SPDYE3: variants seen among roughly 807,000 people sequenced by gnomAD.
SPDYE3 encodes speedy/RINGO cell cycle regulator family member E3, also known as speedy protein E3.
A neutral mutation model predicts 55.0 loss-of-function variants in SPDYE3; 15 were observed. That is an observed-to-expected ratio of 0.27 (90% CI 0.18 to 0.42). The LOEUF (loss-of-function observed/expected upper bound fraction) is 0.42, where lower values mean the gene tolerates loss of function less well. Among genes scored for constraint, SPDYE3 ranks in the 10% least tolerant of loss-of-function variants. SPDYE3 has a pLI of 1.00. For missense variants in SPDYE3, 236 were observed against 576.7 expected (o/e 0.41, Z 6.05); for synonymous variants, 89 against 229.9 (o/e 0.39, Z 5.55).
At chr7:100,308,356 G>A (rs113037444) in intron 1 of SPDYE3, among the ~76,000 whole-genome samples, 4 of 147,464 alleles carry the variant, frequency 2.7e-5, no homozygotes, top group South Asian at 2.2e-4. Context: ...AAAAGAAGAA[G>A]AAAAAAAAGA....
At chr7:100,317,193 C>A in intron 8 of SPDYE3, 38 bp downstream of exon 8, 1 of 1,609,904 alleles carries the variant, frequency 6.2e-7, no homozygotes, top group Non-Finnish European at 8.5e-7. Context: ...CAATATCCAA[C>A]GCCCTGGGAC....
In SPDYE3 at chr7:100,314,508, C is replaced by T. The variant is rs755921662; in HGVS notation, c.983-24C>T. 52 of 1,327,802 alleles carry T rather than the reference C, an allele frequency of 3.9e-5. 14 individuals carry two copies. The South Asian group carries it at 4.3e-4, about 11-fold the overall frequency. The allele number at this position is 1,327,802 out of a possible 1,614,324, so 82.3% of individuals were successfully genotyped here. ...CGTGATCAGTTGCAGAAGCATTACACGGTGGCCTGGTTTCTTTACTCAGCC... is the reference window on the plus strand; with the variant it reads ...CGTGATCAGTTGCAGAAGCATTACATGGTGGCCTGGTTTCTTTACTCAGCC... On this transcript the variant is annotated intron_variant, in intron 5 of 10. Transcript: ENST00000332397.
chr7:100,312,831 G>A (rs1296533438), intron 4 of SPDYE3, among the ~76,000 whole-genome samples: 1 of 142,692 alleles, frequency 7.0e-6, no homozygotes, highest in Non-Finnish European at 1.5e-5. Flanking sequence ...AGCTGAGATT[G>A]CACCACTACA....
chr7:100,320,687 A>G (rs1469981318), intron 10 of SPDYE3: 3 of 1,071,904 alleles, frequency 2.8e-6, no homozygotes, highest in Non-Finnish European at 3.5e-6. Context: ...TGGGTGTATT[A>G]AGTTTTGGAG....
chr7:100,308,739 G>A (rs1287407136), intron 1 of SPDYE3, among the ~76,000 whole-genome samples: 1 of 151,076 alleles, frequency 6.6e-6, no homozygotes, highest in African/African-American at 2.4e-5. Flanking sequence ...GGGCCTCAGA[G>A]AGCCAGGGAC....
chr7:100,308,526 T>C (rs563824613), intron 1 of SPDYE3, among the ~76,000 whole-genome samples: 1 of 151,666 alleles, frequency 6.6e-6, no homozygotes, highest in South Asian at 2.1e-4. Context: ...CTGGCCAACA[T>C]GGCGAAACCC....
At position 100,320,012 on chromosome 7, in the gene SPDYE3, C is replaced by T. The variant is rs1789540798; in HGVS notation, c.*22C>T. 1 of 1,607,148 alleles carries T rather than the reference C, an allele frequency of 6.2e-7. No homozygotes were observed. The highest frequency in any genetic ancestry group is 1.7e-5 in the Admixed American group (1 of 59,900). On this transcript the variant is annotated 3_prime_UTR_variant, in exon 10 of 11. Coordinates refer to ENST00000332397, the MANE Select transcript of SPDYE3 (RefSeq NM_001004351.5). ...CTAGAGCTCCAGGGACCGTGGAGGCCTGAGGTCATCGGCCTGAGAGAAGGT... is the reference window on the plus strand; with the variant it reads ...CTAGAGCTCCAGGGACCGTGGAGGCTTGAGGTCATCGGCCTGAGAGAAGGT...
chr7:100,321,167 C>T lies in SPDYE3; in HGVS notation c.*322C>T, dbSNP rs573425516. Reference sequence around the variant, plus strand: ...ACCTCCCTTTTTATATTGCTGAATGCCAACCTCCCTGGGGCGGAACCTGGA... The same window carrying T: ...ACCTCCCTTTTTATATTGCTGAATGTCAACCTCCCTGGGGCGGAACCTGGA... On this transcript the variant is annotated 3_prime_UTR_variant, in exon 11 of 11. Coordinates refer to ENST00000332397, the MANE Select transcript of SPDYE3 (RefSeq NM_001004351.5). 4.1e-5 allele frequency: 21 copies of T among 513,324 alleles called. No homozygotes were observed. The highest frequency in any genetic ancestry group is 6.8e-4 in the Middle Eastern group (1 of 1,478). 31.8% of individuals were successfully genotyped at this position (513,324 alleles called of 1,614,324 possible). A position where few individuals can be genotyped will look rare whatever the true frequency, so the allele number is the denominator to read the frequency against.
At position 100,307,924 on chromosome 7, in the gene SPDYE3, C is replaced by G; in HGVS notation, c.39C>G (p.Ser13Arg). The G allele has an allele frequency of 1.3e-6, 2 of 1,584,778 alleles. No homozygotes were observed. Among genetic ancestry groups the G allele is most frequent in the South Asian group, 1.1e-5 (1 of 88,994 alleles). Residue 13 changes from serine (S) to arginine (R), a missense_variant, in exon 1 of 11, where the codon AGC (serine) becomes AGG (arginine). Transcript: ENST00000332397. ...AACCGCAGCCCCAGGAAGAGCAGAG[C>G]CCCCAGCGGAGCACCTCAGGGTACC... is the stretch of plus-strand genomic sequence containing the variant. Reference protein sequence around the residue: ...SHQPQPQEEQSPQRSTSGYPL... With the variant: ...SHQPQPQEEQRPQRSTSGYPL...
chr7:100,315,691 T>C, intron 6 of SPDYE3, 94 bp from the exon 7 acceptor site: 11 of 1,587,128 alleles, frequency 6.9e-6, no homozygotes, highest in Admixed American at 1.7e-5. Context: ...ATCCTGAGAC[T>C]TTCCCCCGGG....
At position 100,320,022 on chromosome 7, in the gene SPDYE3, C is replaced by T. The variant is rs758592521; in HGVS notation, c.*32C>T. ...AGGGACCGTGGAGGCCTGAGGTCAT[C>T]GGCCTGAGAGAAGGTACATCTGCAT... is the stretch of plus-strand genomic sequence containing the variant. On this transcript the variant is annotated 3_prime_UTR_variant, in exon 10 of 11. Coordinates refer to ENST00000332397, the MANE Select transcript of SPDYE3 (RefSeq NM_001004351.5). 192 of 1,605,682 alleles carry T rather than the reference C, an allele frequency of 1.2e-4. No individual in the cohort carries two copies. Among genetic ancestry groups the T allele is most frequent in the South Asian group, 1.6e-4 (15 of 90,978 alleles).
chr7:100,320,799 G>T, intron 10 of SPDYE3, 92 bp from the exon 11 acceptor site: 1 of 1,080,766 alleles, frequency 9.3e-7, no homozygotes, highest in Non-Finnish European at 1.2e-6. Flanking sequence ...CAATTGCTCT[G>T]AACTCTAGCT....
chr7:100,320,569 A>C, intron 10 of SPDYE3: 1 of 973,272 alleles, frequency 1.0e-6, no homozygotes. Context: ...GTGACACAAA[A>C]GACCCTAGCT....
intron 8 of SPDYE3, among the ~76,000 whole-genome samples, chr7:100,317,562 G>A (rs1291573591): frequency 6.6e-6 from 1 of 151,062 alleles, no homozygotes; most frequent in Non-Finnish European, 1.5e-5. Context: ...CTAAGGTTGA[G>A]CCACTGCACT....
chr7:100,319,593 G>C lies in SPDYE3; in HGVS notation c.1375G>C (p.Asp459His), dbSNP rs374270480. ...TCTGGCCAATGACATGGAGGAGGAC[G>C]ACGAGGCCCCCAAACAAAAGATCTT... ...LYLANDMEED[D>H]EAPKQKIFYF... The change falls in exon 9 of 11, where the codon GAC becomes CAC. Residue 459 changes from aspartate (D) to histidine (H), a missense_variant. Coordinates refer to ENST00000332397, the MANE Select transcript of SPDYE3 (RefSeq NM_001004351.5). The C allele has an allele frequency of 6.8e-6, 11 of 1,614,080 alleles. No homozygotes were observed. The highest frequency in any genetic ancestry group is 8.5e-6 in the Non-Finnish European group (10 of 1,180,048).
chr7:100,317,276 A>G, intron 8 of SPDYE3, 121 bp downstream of exon 8: 2 of 1,422,144 alleles, frequency 1.4e-6, no homozygotes, highest in Non-Finnish European at 2.0e-6. Context: ...GTGTACAAAA[A>G]AGACAGGATT....
In SPDYE3 at chr7:100,316,923, G is replaced by A. The variant is rs1487904782; in HGVS notation, c.1261-147G>A. 19 of 1,076,630 alleles carry A rather than the reference G, an allele frequency of 1.8e-5. 1 individual carries two copies. Among genetic ancestry groups the A allele is most frequent in the Admixed American group, 9.1e-5 (5 of 54,872 alleles). The allele number at this position is 1,076,630 out of a possible 1,614,324, so 66.7% of individuals were successfully genotyped here. Reference sequence around the variant, plus strand: ...CGACCTTCGAATACCCCTCCACCCCGCAATTTCCACATGAGCACAGTCACC... The same window carrying A: ...CGACCTTCGAATACCCCTCCACCCCACAATTTCCACATGAGCACAGTCACC... On this transcript the variant is annotated intron_variant, in intron 7 of 10. Transcript: ENST00000332397.
intron 7 of SPDYE3, 100 bp downstream of exon 7, chr7:100,315,943 C>A (rs2129970731): frequency 6.4e-7 from 1 of 1,556,040 alleles, no homozygotes; most frequent in Non-Finnish European, 8.7e-7. Context: ...CACCTCCCAC[C>A]AGATGCTCCT....
intron 8 of SPDYE3, among the ~76,000 whole-genome samples, chr7:100,318,143 T>A (rs1442941100): frequency 1.3e-5 from 2 of 151,960 alleles, no homozygotes; most frequent in African/African-American, 4.8e-5. Flanking sequence ...GCCACCAACC[T>A]CCTCTGGGTT....
Sources: allele counts gnomAD v4.1 joint callset (sites outside exome capture counted in the v4.1 genomes callset), GRCh38; gene constraint gnomAD v4.1.1; transcripts MANE v1.5; gene names NCBI Gene and HGNC (gene_info 2026-07-23, HGNC 2026-07-21).